Variants in RAPH1 observed in about 807,000 individuals in gnomAD.
RAPH1 encodes the protein Ras association (RalGDS/AF-6) and pleckstrin homology domains 1.
RAPH1 carries 18 observed loss-of-function variants against 88.1 expected under a neutral mutation model. That is an observed-to-expected ratio of 0.20 (90% CI 0.14 to 0.30). The LOEUF is 0.30. Ranked by LOEUF, RAPH1 falls within the 10% of genes least tolerant of loss-of-function variation. The probability of loss-of-function intolerance (pLI) is 1.00; values close to 1 mark genes in which losing one functional copy is unlikely to be tolerated. For missense variants in RAPH1, 1,448 were observed against 1,543.2 expected (o/e 0.94, Z 1.03); for synonymous variants, 587 against 559.0 (o/e 1.05, Z -0.71).
intron 1 of RAPH1, among the ~76,000 whole-genome samples, chr2:203,506,820 CTATATATA>C (rs1228434767): frequency 4.2e-5 from 3 of 70,658 alleles, no homozygotes; most frequent in South Asian, 4.4e-4. Flanking sequence ...ATCTATATAT[CTATATATA>C]TATCTATATC....
At chr2:203,480,197 C>A (rs750255639) in intron 4 of RAPH1, among the ~76,000 whole-genome samples, 1 of 152,166 alleles carries the variant, frequency 6.6e-6, no homozygotes, top group African/African-American at 2.4e-5. Flanking sequence ...CATGTTAAAA[C>A]AAAGTGCCAT....
intron 10 of RAPH1, among the ~76,000 whole-genome samples, chr2:203,452,344 A>G (rs2098515614): frequency 6.6e-6 from 1 of 152,200 alleles, no homozygotes; most frequent in African/African-American, 2.4e-5. Flanking sequence ...AGATGAAATT[A>G]CCATGCAAAA....
Position 203,461,399 on chromosome 2 carries a change from T to C in RAPH1, c.820A>G (p.Arg274Gly). Reference sequence around the variant, plus strand: ...GAACTGTCATCAGACATGTGGACTCTGATCACCAGCTATAACAGGTAAAAA... The same window carrying C: ...GAACTGTCATCAGACATGTGGACTCCGATCACCAGCTATAACAGGTAAAAA... ...KEAQVKKLVI[R>G]VHMSDDSSKT... The change falls in exon 6 of 14, where the codon AGA becomes GGA. Residue 274 changes from arginine to glycine, a missense_variant. Coordinates refer to ENST00000319170, the MANE Select transcript of RAPH1 (RefSeq NM_213589.3). 6.3e-7 allele frequency: 1 copy of C among 1,599,672 alleles called. No homozygotes were observed. Among genetic ancestry groups the C allele is most frequent in the Non-Finnish European group, 8.5e-7 (1 of 1,173,024 alleles).
chr2:203,481,479 C>T (rs928192461), intron 4 of RAPH1, among the ~76,000 whole-genome samples: 3 of 151,736 alleles, frequency 2.0e-5, no homozygotes, highest in African/African-American at 7.3e-5. Flanking sequence ...TACTCTCCTT[C>T]TACTGGATAT....
intron 4 of RAPH1, among the ~76,000 whole-genome samples, chr2:203,468,563 T>G (rs2098530491): frequency 6.6e-6 from 1 of 152,216 alleles, no homozygotes; most frequent in African/African-American, 2.4e-5. Flanking sequence ...TCATAGCACT[T>G]AACATGATTT....
intron 1 of RAPH1, among the ~76,000 whole-genome samples, chr2:203,533,722 A>G (rs1690489507): frequency 6.6e-6 from 1 of 151,848 alleles, no homozygotes; most frequent in Admixed American, 6.6e-5. Context: ...ACCTACATTC[A>G]CTAACCCCCC....
chr2:203,463,277 T>A (rs188121278), intron 4 of RAPH1, among the ~76,000 whole-genome samples: 33 of 152,060 alleles, frequency 2.2e-4, no homozygotes, highest in Non-Finnish European at 3.4e-4. Context: ...AAAATCCTCA[T>A]CATATCAGCC....
intron 7 of RAPH1, 70 bp downstream of exon 7, chr2:203,459,837 C>A (rs1414946914): frequency 1.3e-6 from 2 of 1,496,910 alleles, no homozygotes; most frequent in Non-Finnish European, 1.8e-6. Flanking sequence ...TTAACTCTAA[C>A]TTAGCAGTAA....
intron 1 of RAPH1, among the ~76,000 whole-genome samples, chr2:203,500,632 C>A (rs1170193082): frequency 1.3e-5 from 2 of 152,082 alleles, no homozygotes. Flanking sequence ...AACAAGTTAC[C>A]CAGGGTATTG....
At chr2:203,534,054 T>A (rs1690504325) in intron 1 of RAPH1, among the ~76,000 whole-genome samples, 1 of 152,192 alleles carries the variant, frequency 6.6e-6, no homozygotes, top group African/African-American at 2.4e-5. Context: ...AGGTATTCCA[T>A]AAATGTTTGC....
intron 1 of RAPH1, among the ~76,000 whole-genome samples, chr2:203,529,003 ATATTTTTTTTT>A (rs1690259606): frequency 6.8e-5 from 4 of 58,750 alleles, no homozygotes; most frequent in Admixed American, 2.0e-4. Context: ...ATATATATAT[ATATTTTTTTTT>A]TTTTTTTTTT....
At chr2:203,442,624 T>C (rs2098505281) in intron 13 of RAPH1, 1 of 152,390 alleles carries the variant, frequency 6.6e-6, no homozygotes, top group African/African-American at 2.4e-5. Context: ...CTTGGCTGCT[T>C]CAGGGGCGCA....
chr2:203,461,333 C>G lies in RAPH1; in HGVS notation c.886G>C (p.Val296Leu). 6.2e-7 allele frequency: 1 copy of G among 1,610,950 alleles called. No individual in the cohort carries two copies. ...MVDERQTVRQ[V>L]LDNLMDKSHC... Reference sequence around the variant, plus strand: ...GATTTGTCCATCAGGTTATCCAGTACTTGTCTTACTGTCTGCCTCTCATCC... The same window carrying G: ...GATTTGTCCATCAGGTTATCCAGTAGTTGTCTTACTGTCTGCCTCTCATCC... The change falls in exon 6 of 14, where the codon GTA becomes CTA. Residue 296 changes from valine to leucine, a missense_variant. Val to Leu is a conservative substitution (Grantham distance 32). This residue lies in a region of RAPH1 where 513 missense variants were observed against 653.1 expected (regional missense o/e 0.79). Coordinates refer to ENST00000319170, the MANE Select transcript of RAPH1 (RefSeq NM_213589.3).
Position 203,440,502 on chromosome 2 carries a change from A to G in RAPH1, c.2688T>C (p.Pro896=). 4.6e-6 allele frequency: 7 copies of G among 1,530,448 alleles called. No individual in the cohort carries two copies. Among genetic ancestry groups the G allele is most frequent in the Non-Finnish European group, 5.3e-6 (6 of 1,140,436 alleles). 94.8% of individuals were successfully genotyped at this position (1,530,448 alleles called of 1,614,324 possible). ...GCCACTTGGGCTTTGCTTTTACTGC[A>G]GGAGGGGACTGTGGAGCTACATTTG... The part of the protein sequence containing the change: ...VPANVAPQSP[P]AVKAKPKWQP... Residue 896 remains proline (P), a synonymous_variant, in exon 14 of 14, where the codon CCT becomes CCC. Transcript: ENST00000319170.
In RAPH1 at chr2:203,533,044, G is replaced by A. The variant is rs139531295; in HGVS notation, c.-1+2067C>T. On this transcript the variant is annotated intron_variant, in intron 1 of 13. Coordinates refer to ENST00000319170, the MANE Select transcript of RAPH1 (RefSeq NM_213589.3). ...AAGTATTTATGGGGTGAGCACCAAA[G>A]GGCAGCAAAACCAAAAGACATAATC... is the stretch of plus-strand genomic sequence containing the variant. 7.7e-4 allele frequency among the ~76,000 whole-genome samples: 117 copies of A among 152,210 alleles called. 1 individual carries two copies. Among genetic ancestry groups the A allele is most frequent in the Middle Eastern group, 3.4e-3 (1 of 294 alleles).
rs903078834 is a variant in RAPH1, at chr2:203,488,986, T to C, written c.732+598A>G. On this transcript the variant is annotated intron_variant, in intron 4 of 13. Coordinates refer to ENST00000319170, the MANE Select transcript of RAPH1 (RefSeq NM_213589.3). ...TAAAAATATGAAAATTAGCTGGGCA[T>C]GGTGGTGAGCGCCTGTAATCCCAGC... Among the ~76,000 whole-genome samples the C allele has an allele frequency of 1.4e-4, 21 of 152,172 alleles. 1 individual carries two copies. Among genetic ancestry groups the C allele is most frequent in the African/African-American group, 5.1e-4 (21 of 41,520 alleles).
chr2:203,497,563 T>C (rs1172239901), intron 1 of RAPH1, among the ~76,000 whole-genome samples: 1 of 152,210 alleles, frequency 6.6e-6, no homozygotes, highest in Non-Finnish European at 1.5e-5. Context: ...TCATATCTCA[T>C]TTAATTACTT....
chr2:203,518,543 A>C (rs1287426230), intron 1 of RAPH1, among the ~76,000 whole-genome samples: 1 of 150,578 alleles, frequency 6.6e-6, no homozygotes, highest in African/African-American at 2.4e-5. Context: ...AAAAAACAAA[A>C]AAAAAACAAA....
chr2:203,528,465 T>G (rs1690225998), intron 1 of RAPH1, among the ~76,000 whole-genome samples: 1 of 152,212 alleles, frequency 6.6e-6, no homozygotes, highest in Non-Finnish European at 1.5e-5. Context: ...TAGCCCAATC[T>G]GCATAATTGA....
Sources: gnomAD v4.1 joint callset for allele counts (sites outside exome capture counted in the v4.1 genomes callset) on GRCh38, gnomAD v4.1.1 for gene constraint, gnomAD v4.1.1 regional missense constraint, MANE v1.5 for transcripts, NCBI Gene and HGNC (gene_info 2026-07-23, HGNC 2026-07-21) for gene names.